The following CRACDL variants were observed in gnomAD, a reference collection of about 807,000 sequenced individuals.
CRACDL encodes the protein CRACD like.
Under a neutral mutation model 70.6 loss-of-function variants are expected in CRACDL, and 26 were observed. The observed-to-expected ratio is 0.37, with a 90% confidence interval of 0.27 to 0.51. CRACDL has a LOEUF of 0.51. CRACDL is among the 20% of genes least tolerant of loss of function. CRACDL has a pLI of 0.94. For missense variants in CRACDL, 1,283 were observed against 1,376.9 expected, an observed-to-expected ratio of 0.93 and a Z score of 1.08; for synonymous variants, 618 against 615.2, an observed-to-expected ratio of 1.00 and a Z score of -0.07.
intron 7 of CRACDL, among the ~76,000 whole-genome samples, chr2:98,810,891 A>AG (rs1221128294): frequency 6.6e-6 from 1 of 152,098 alleles, no homozygotes; most frequent in Non-Finnish European, 1.5e-5. Context: ...GCCCCTCAGG[A>AG]GGGGAACAGT....
At chr2:98,933,859 A>G (rs1169168861) in intron 1 of CRACDL, among the ~76,000 whole-genome samples, 1 of 152,176 alleles carries the variant, frequency 6.6e-6, no homozygotes, top group Non-Finnish European at 1.5e-5. Context: ...CTCATAGACA[A>G]CAGACATTTA....
intron 1 of CRACDL, among the ~76,000 whole-genome samples, chr2:98,882,000 T>C (rs1209328091): frequency 6.6e-6 from 1 of 152,110 alleles, no homozygotes; most frequent in Non-Finnish European, 1.5e-5. Context: ...AACAGTAGAG[T>C]TGATGGGACT....
intron 1 of CRACDL, chr2:98,913,069 TCC>T (rs1314047491): frequency 6.6e-6 from 1 of 152,244 alleles, no homozygotes; most frequent in African/African-American, 2.4e-5. Flanking sequence ...CCGCCACATT[TCC>T]CAAACATAAA....
At chr2:98,895,733 C>A (rs1015554936) in intron 1 of CRACDL, among the ~76,000 whole-genome samples, 5 of 152,138 alleles carry the variant, frequency 3.3e-5, no homozygotes, top group Admixed American at 6.5e-5. Flanking sequence ...GAAGATCCAT[C>A]CCCTTGGTTA....
At chr2:98,924,567 A>C (rs902233826) in intron 1 of CRACDL, among the ~76,000 whole-genome samples, 8 of 151,924 alleles carry the variant, frequency 5.3e-5, no homozygotes, top group Non-Finnish European at 1.2e-4. Context: ...GTTGACCTTT[A>C]CTCCTTCAGA....
In CRACDL at chr2:98,822,727, C is replaced by G; in HGVS notation, c.1546G>C (p.Ala516Pro). The change falls in exon 7 of 10, where the codon GCC becomes CCC. Residue 516 changes from alanine to proline, a missense_variant. By Grantham distance (27) the Ala-to-Pro change is conservative (BLOSUM62 -1). Coordinates refer to ENST00000397899, the MANE Select transcript of CRACDL (RefSeq NM_207362.3). This position sits in a 1 kb window ranked among gnomAD's most constrained non-coding sequence, Gnocchi z 4.9. ...TCCACCGGGGGAGACTCCGCAGCGGCAAGCGGCGGGGACGCGGCGGGGCCC... is the reference window on the plus strand; with the variant it reads ...TCCACCGGGGGAGACTCCGCAGCGGGAAGCGGCGGGGACGCGGCGGGGCCC... ...SEGPAASPPL[A>P]AAESPPVEPG... 7.9e-7 allele frequency: 1 copy of G among 1,260,262 alleles called. No individual in the cohort carries two copies. Among genetic ancestry groups the G allele is most frequent in the South Asian group, 3.2e-5 (1 of 31,504 alleles). 78.1% of individuals were successfully genotyped at this position (1,260,262 alleles called of 1,614,324 possible). A position where few individuals can be genotyped will look rare whatever the true frequency, so the allele number is the denominator to read the frequency against.
chr2:98,925,740 G>A (rs901413405), intron 1 of CRACDL, among the ~76,000 whole-genome samples: 1 of 152,122 alleles, frequency 6.6e-6, no homozygotes, highest in African/African-American at 2.4e-5. Context: ...AAAATACACA[G>A]GGTGACTACA....
At chr2:98,870,533 G>A (rs1322859966) in intron 1 of CRACDL, among the ~76,000 whole-genome samples, 6 of 152,038 alleles carry the variant, frequency 3.9e-5, no homozygotes, top group African/African-American at 1.4e-4. Flanking sequence ...CAGGGAGAGG[G>A]CCAATTAGCT....
intron 7 of CRACDL, among the ~76,000 whole-genome samples, chr2:98,816,199 G>A (rs558897532): frequency 1.1e-4 from 16 of 152,226 alleles, no homozygotes; most frequent in African/African-American, 3.9e-4. Flanking sequence ...ATCTCCTCAG[G>A]CTACCAGCTC....
rs534190593 is a variant in CRACDL, at chr2:98,898,714, G to C, written c.-11+37224C>G. ...TGGAGAAAAACTGAGCCGTTGTGCGGATGAGGAAGGGAGGCCACGTGTCCC... is the reference window on the plus strand; with the variant it reads ...TGGAGAAAAACTGAGCCGTTGTGCGCATGAGGAAGGGAGGCCACGTGTCCC... On this transcript the variant is annotated intron_variant, in intron 1 of 9. Transcript: ENST00000397899. Among the ~76,000 whole-genome samples the C allele has an allele frequency of 7.9e-5, 12 of 152,344 alleles. No individual in the cohort carries two copies. In the South Asian group the frequency reaches 2.5e-3, roughly 32 times the overall value.
intron 1 of CRACDL, among the ~76,000 whole-genome samples, chr2:98,922,496 C>G (rs1003671673): frequency 4.0e-5 from 6 of 151,786 alleles, no homozygotes; most frequent in African/African-American, 1.2e-4. Flanking sequence ...AACACTTTCA[C>G]AAGCCTCTCA....
intron 2 of CRACDL, among the ~76,000 whole-genome samples, chr2:98,844,862 A>G (rs1160763894): frequency 6.6e-6 from 1 of 152,226 alleles, no homozygotes; most frequent in Non-Finnish European, 1.5e-5. Flanking sequence ...CATCCAGTCT[A>G]GAAGCAATAT....
chr2:98,879,125 C>A (rs66484268), intron 1 of CRACDL, among the ~76,000 whole-genome samples: 1 of 152,198 alleles, frequency 6.6e-6, no homozygotes, highest in South Asian at 2.1e-4. Context: ...CTCCTGGACT[C>A]TGAGCTCCCT....
At chr2:98,852,974 G>GGA (rs746840395) in intron 1 of CRACDL, among the ~76,000 whole-genome samples, 110 of 127,794 alleles carry the variant, frequency 8.6e-4, no homozygotes, top group Middle Eastern at 3.7e-3. Flanking sequence ...GGTGGGTGCG[G>GGA]GAGAGAGAGA....
intron 2 of CRACDL, among the ~76,000 whole-genome samples, chr2:98,841,103 T>C (rs1706007970): frequency 6.6e-6 from 1 of 152,210 alleles, no homozygotes; most frequent in Admixed American, 6.5e-5. Flanking sequence ...TCTGTGTAGC[T>C]ACACCATCTT....
chr2:98,920,143 G>T (rs1708766447), intron 1 of CRACDL, among the ~76,000 whole-genome samples: 1 of 152,070 alleles, frequency 6.6e-6, no homozygotes, highest in Non-Finnish European at 1.5e-5. Context: ...AAGTTAATTT[G>T]GAAACAACCG....
chr2:98,863,199 T>C (rs1488232943), intron 1 of CRACDL, among the ~76,000 whole-genome samples: 1 of 152,128 alleles, frequency 6.6e-6, no homozygotes, highest in Non-Finnish European at 1.5e-5. Context: ...AGATTATCAG[T>C]AGATTTTTCA....
intron 7 of CRACDL, among the ~76,000 whole-genome samples, chr2:98,803,053 G>A (rs1341998120): frequency 1.4e-5 from 2 of 148,046 alleles, no homozygotes; most frequent in Admixed American, 6.8e-5. Context: ...AGGCTGGAGT[G>A]CAGTGGCGCA....
Position 98,796,056 on chromosome 2 carries a change from A to G in CRACDL, c.2749+64T>C. ...CAAAAACCAAACCAAACCAAAACTC[A>G]AACTGCAGGAACGACCCAGGAAAAT... On this transcript the variant is annotated intron_variant, in intron 9 of 9. Coordinates refer to ENST00000397899, the MANE Select transcript of CRACDL (RefSeq NM_207362.3). The G allele has an allele frequency of 1.9e-6, 3 of 1,549,838 alleles. No individual in the cohort carries two copies. The South Asian group carries it at 3.3e-5, about 17-fold the overall frequency.
Sources: gnomAD v4.1 joint callset for allele counts (sites outside exome capture counted in the v4.1 genomes callset) on GRCh38, gnomAD v4.1.1 for gene constraint, Gnocchi (gnomAD v3.1) non-coding constraint, MANE v1.5 for transcripts, NCBI Gene and HGNC (gene_info 2026-07-23, HGNC 2026-07-21) for gene names.